The following NENF variants were observed in gnomAD, a reference collection of about 807,000 sequenced individuals.
The protein encoded by NENF is neudesin neurotrophic factor.
A neutral mutation model predicts 14.8 loss-of-function variants in NENF; 6 were observed. That is an observed-to-expected ratio of 0.40 (90% CI 0.22 to 0.80). The LOEUF is 0.80. Among genes scored for constraint, NENF ranks in the 30% least tolerant of loss-of-function variants. The pLI is 0.34. For synonymous variants in NENF, 76 were observed against 95.1 expected (o/e 0.80, Z 1.17); for missense variants, 184 against 212.7 (o/e 0.87, Z 0.84).
intron 1 of NENF, among the ~76,000 whole-genome samples, chr1:212,438,301 G>A (rs1186559805): frequency 6.6e-6 from 1 of 152,170 alleles, no homozygotes; most frequent in Non-Finnish European, 1.5e-5. Context: ...TGATAGCAGG[G>A]TTTCACTGTC....
At chr1:212,441,993 C>T (rs766345812) in intron 1 of NENF, among the ~76,000 whole-genome samples, 1 of 152,186 alleles carries the variant, frequency 6.6e-6, no homozygotes, top group Non-Finnish European at 1.5e-5. Flanking sequence ...ATTTTCATCT[C>T]CATGAAGTTG....
intron 1 of NENF, among the ~76,000 whole-genome samples, chr1:212,440,251 C>CAAAAAAA (rs371489983): frequency 0.04 from 3,435 of 86,532 alleles, 225 homozygotes; most frequent in East Asian, 0.11. Context: ...GACTCTGTCT[C>CAAAAAAA]AAAAAAAAAA....
chr1:212,441,476 A>G (rs1176345328), intron 1 of NENF, among the ~76,000 whole-genome samples: 6 of 152,216 alleles, frequency 3.9e-5, no homozygotes, highest in Non-Finnish European at 8.8e-5. Context: ...TAGGTAGACA[A>G]TATCACTAAT....
intron 2 of NENF, among the ~76,000 whole-genome samples, chr1:212,443,880 CAA>C (rs112393214): frequency 1.5e-4 from 21 of 143,094 alleles, no homozygotes; most frequent in African/African-American, 4.6e-4. Context: ...CCCATCTCTT[CAA>C]AAAAAAAAAT....
rs1218927992 is a variant in NENF, at chr1:212,439,688, CAAAAAAAA to C, written c.178-2862_178-2855del. On this transcript the variant is annotated intron_variant, in intron 1 of 3. Transcript: ENST00000366988. ...GTGAAACCTGTCTCTACTAAATATA[CAAAAAAAA>C]AAAAAAAAAAAAAATTGGCCAGGCG... is the stretch of plus-strand genomic sequence containing the variant. Among the ~76,000 whole-genome samples, 89 of 60,934 alleles carry C rather than the reference CAAAAAAAA, an allele frequency of 1.5e-3. 2 individuals are homozygous for C. The highest frequency in any genetic ancestry group is 6.4e-4 in the Non-Finnish European group (21 of 32,712). The allele number at this position is 60,934 out of a possible 152,430, so 40.0% of individuals were successfully genotyped here.
rs1310989816 is a variant in NENF, at chr1:212,433,271, C to T, written c.177+151C>T. The T allele has an allele frequency of 1.4e-5, 5 of 350,468 alleles. No homozygotes were observed. The highest frequency in any genetic ancestry group is 2.4e-5 in the Non-Finnish European group (5 of 209,730). 21.7% of individuals were successfully genotyped at this position (350,468 alleles called of 1,614,324 possible). On this transcript the variant is annotated intron_variant, in intron 1 of 3. Coordinates refer to ENST00000366988, the MANE Select transcript of NENF (RefSeq NM_013349.5). The surrounding 1 kb of genome is among the most constrained non-coding windows in gnomAD (Gnocchi z 5.5). ...CCTGGGCCGGCGGGGGGCCTCCTCT[C>T]TCTAGGCCCCGAAGGATGGCCGAGG...
At chr1:212,441,749 G>A (rs1359926794) in intron 1 of NENF, among the ~76,000 whole-genome samples, 2 of 151,852 alleles carry the variant, frequency 1.3e-5, no homozygotes, top group Non-Finnish European at 2.9e-5. Context: ...TTGCGCCATT[G>A]CACTCCAGCC....
Position 212,445,991 on chromosome 1 carries a change from C to T in NENF, c.504C>T (p.Ile168=), listed in dbSNP as rs1283913976. The T allele has an allele frequency of 3.1e-6, 5 of 1,614,192 alleles. No homozygotes were observed. Among genetic ancestry groups the T allele is most frequent in the Non-Finnish European group, 4.2e-6 (5 of 1,180,028 alleles). The change falls in exon 4 of 4, where the codon ATC becomes ATT. Residue 168 remains isoleucine (I), a synonymous_variant. Coordinates refer to ENST00000366988, the MANE Select transcript of NENF (RefSeq NM_013349.5). ...FKPEDQPHFD[I]KDEF ...CTGAAGACCAGCCCCATTTTGACAT[C>T]AAGGATGAGTTCTGATGTTCCCCCT...
At chr1:212,436,908 A>G (rs12084711) in intron 1 of NENF, among the ~76,000 whole-genome samples, 5,300 of 149,780 alleles carry the variant, frequency 0.035, 200 homozygotes, top group East Asian at 0.14. Flanking sequence ...GCAACATAAC[A>G]AGACCTCACC....
At chr1:212,444,585 G>A in intron 3 of NENF, 143 bp downstream of exon 3, 1 of 454,932 alleles carries the variant, frequency 2.2e-6, no homozygotes, top group Non-Finnish European at 3.6e-6. Context: ...GCAAGAGCAA[G>A]CCTTCCTAAT....
Position 212,433,196 on chromosome 1 carries a change from G to A in NENF, c.177+76G>A. ...GGCGAGCCGAGCGGGGACCCAGGAG[G>A]CGCCGGCGGCCCAGGAAGCTCTGGG... is the stretch of plus-strand genomic sequence containing the variant. On this transcript the variant is annotated intron_variant, in intron 1 of 3. Coordinates refer to ENST00000366988, the MANE Select transcript of NENF (RefSeq NM_013349.5). This position sits in a 1 kb window ranked among gnomAD's most constrained non-coding sequence, Gnocchi z 5.5. The A allele has an allele frequency of 1.0e-6, 1 of 990,836 alleles. No homozygotes were observed. Among genetic ancestry groups the A allele is most frequent in the Non-Finnish European group, 1.3e-6 (1 of 794,494 alleles). 61.4% of individuals were successfully genotyped at this position (990,836 alleles called of 1,614,324 possible). A position where few individuals can be genotyped will look rare whatever the true frequency, so the allele number is the denominator to read the frequency against.
chr1:212,440,245 C>A (rs1268801386), intron 1 of NENF, among the ~76,000 whole-genome samples: 4 of 62,016 alleles, frequency 6.4e-5, no homozygotes, highest in African/African-American at 2.4e-4. Context: ...GAGTAAGACT[C>A]TGTCTCAAAA....
chr1:212,444,567 GTA>G (rs57582682), intron 3 of NENF, 125 bp downstream of exon 3: 40,163 of 289,934 alleles, frequency 0.14, 3,056 homozygotes, highest in Admixed American at 0.24. Flanking sequence ...GTGTGTGTGT[GTA>G]TCTGGGCAAG....
chr1:212,439,069 C>T (rs186444429), intron 1 of NENF, among the ~76,000 whole-genome samples: 11 of 152,248 alleles, frequency 7.2e-5, no homozygotes, highest in African/African-American at 1.9e-4. Flanking sequence ...CACCACAGCA[C>T]GCTCTGTTTA....
chr1:212,445,817 T>C lies in NENF; in HGVS notation c.343-13T>C. 3.1e-6 allele frequency: 5 copies of C among 1,613,544 alleles called. No homozygotes were observed. Among genetic ancestry groups the C allele is most frequent in the Non-Finnish European group, 3.4e-6 (4 of 1,179,518 alleles). On this transcript the variant is annotated splice_polypyrimidine_tract_variant and intron_variant, in intron 3 of 3. Transcript: ENST00000366988. Reference sequence around the variant, plus strand: ...ACCCCATCTCCTGTCTTTCTTGGGCTTTTCTCCCCAAGACGGGTCTCACGG... The same window carrying C: ...ACCCCATCTCCTGTCTTTCTTGGGCCTTTCTCCCCAAGACGGGTCTCACGG...
At chr1:212,444,563 GTGTGTA>G (rs757889605) in intron 3 of NENF, 121 bp downstream of exon 3, 15,100 of 376,444 alleles carry the variant, frequency 0.04, 719 homozygotes, top group East Asian at 0.28. Flanking sequence ...GTGTGTGTGT[GTGTGTA>G]TCTGGGCAAG....
Position 212,444,453 on chromosome 1 carries a change from T to TTA in NENF, c.342+14_342+15dup, listed in dbSNP as rs1431760995. Reference sequence around the variant, plus strand: ...CTCACCCATGACACTGTGAGCCAGATTATAAGCCTTTGTAAAATCCTCTAC... The same window carrying TTA: ...CTCACCCATGACACTGTGAGCCAGATTATATAAGCCTTTGTAAAATCCTCTAC... On this transcript the variant is annotated intron_variant, in intron 3 of 3. Coordinates refer to ENST00000366988, the MANE Select transcript of NENF (RefSeq NM_013349.5). The TTA allele has an allele frequency of 6.4e-7, 1 of 1,561,878 alleles. No homozygotes were observed. Among genetic ancestry groups the TTA allele is most frequent in the South Asian group, 1.2e-5 (1 of 84,286 alleles).
At chr1:212,444,318 C>G in intron 2 of NENF, 21 bp from the exon 3 acceptor site, 1 of 1,523,688 alleles carries the variant, frequency 6.6e-7, no homozygotes, top group Non-Finnish European at 8.9e-7. Flanking sequence ...GCTTACGTCT[C>G]TTCCTTCCTT....
intron 1 of NENF, among the ~76,000 whole-genome samples, chr1:212,440,822 C>T (rs964203420): frequency 5.3e-5 from 8 of 152,152 alleles, no homozygotes; most frequent in Admixed American, 3.3e-4. Flanking sequence ...GCTGCACAAG[C>T]GCAAGAACAC....
Sources: allele counts gnomAD v4.1 joint callset (sites outside exome capture counted in the v4.1 genomes callset), GRCh38; gene constraint gnomAD v4.1.1; non-coding constraint Gnocchi (gnomAD v3.1); transcripts MANE v1.5; gene names NCBI Gene and HGNC (gene_info 2026-07-23, HGNC 2026-07-21).